The following ZNF365 variants were observed in gnomAD, a reference collection of about 807,000 sequenced individuals.
ZNF365 encodes zinc finger protein 365.
ZNF365 carries 22 observed loss-of-function variants against 35.0 expected under a neutral mutation model. The ratio of observed to expected loss-of-function variants is 0.63; its 90% CI spans 0.45 to 0.90. ZNF365 has a LOEUF of 0.90. ZNF365 is among the 40% of genes least tolerant of loss of function. The pLI is 0.00. For missense variants in ZNF365, 448 were observed against 500.3 expected, an observed-to-expected ratio of 0.90 and a Z score of 1.00; for synonymous variants, 188 against 196.2, an observed-to-expected ratio of 0.96 and a Z score of 0.35.
chr10:62,398,014 A>G (rs542368952), intron 3 of ZNF365, among the ~76,000 whole-genome samples: 1 of 152,268 alleles, frequency 6.6e-6, no homozygotes, highest in South Asian at 2.1e-4. Flanking sequence ...CATTATACCA[A>G]TATGTTGTCT....
chr10:62,381,369 G>A (rs1193492747), intron 2 of ZNF365, among the ~76,000 whole-genome samples: 1 of 152,148 alleles, frequency 6.6e-6, no homozygotes, highest in Non-Finnish European at 1.5e-5. Context: ...GCAGGGGAAT[G>A]ACTTGCCCAA....
chr10:62,388,381 A>C lies in ZNF365; in HGVS notation c.744-15A>C. ...TTATATTTCCCTTTTGTGTTCTGAC[A>C]TTTTTGCCTTGCAGAGAAGTTGTCA... On this transcript the variant is annotated splice_polypyrimidine_tract_variant and intron_variant, in intron 2 of 4. Coordinates refer to ENST00000395254, the MANE Select transcript of ZNF365 (RefSeq NM_014951.3). 1 of 1,613,962 alleles carries C rather than the reference A, an allele frequency of 6.2e-7. No individual in the cohort carries two copies. Among genetic ancestry groups the C allele is most frequent in the South Asian group, 1.1e-5 (1 of 91,066 alleles).
intron 4 of ZNF365, among the ~76,000 whole-genome samples, chr10:62,466,619 G>T (rs757941580): frequency 2.6e-5 from 4 of 152,148 alleles, no homozygotes; most frequent in Non-Finnish European, 5.9e-5. Flanking sequence ...TGACAATGGT[G>T]CATTTGGTGC....
intron 2 of ZNF365, among the ~76,000 whole-genome samples, chr10:62,385,705 C>G (rs1251272742): frequency 2.0e-5 from 3 of 152,152 alleles, no homozygotes; most frequent in Non-Finnish European, 4.4e-5. Context: ...TTAATTACAA[C>G]AAATACTTAT....
intron 3 of ZNF365, among the ~76,000 whole-genome samples, chr10:62,429,845 G>T (rs1840307414): frequency 6.6e-6 from 1 of 152,190 alleles, no homozygotes; most frequent in Non-Finnish European, 1.5e-5. Flanking sequence ...GTGGTGAAAA[G>T]TTAAAGCTCA....
rs183084859 is a variant in ZNF365, at chr10:62,426,706, G to A, written c.925-33035G>A. On this transcript the variant is annotated intron_variant, in intron 3 of 4. Coordinates refer to the ZNF365 transcript ENST00000395255. Reference sequence around the variant, plus strand: ...GGGCAGGGCAAACAGTTTAGGATTGGCGAGTTTGAATCATTTCATGGGGCT... The same window carrying A: ...GGGCAGGGCAAACAGTTTAGGATTGACGAGTTTGAATCATTTCATGGGGCT... 2.0e-5 allele frequency among the ~76,000 whole-genome samples: 3 copies of A among 152,226 alleles called. No individual in the cohort carries two copies. In the East Asian group the frequency reaches 5.8e-4, roughly 29 times the overall value.
chr10:62,432,025 G>T (rs1248968783), intron 3 of ZNF365, among the ~76,000 whole-genome samples: 1 of 152,060 alleles, frequency 6.6e-6, no homozygotes, highest in Non-Finnish European at 1.5e-5. Flanking sequence ...TCACTTTTTG[G>T]GATCCCAGCT....
chr10:62,415,441 G>C (rs955903400), intron 3 of ZNF365, among the ~76,000 whole-genome samples: 1 of 152,002 alleles, frequency 6.6e-6, no homozygotes, highest in Non-Finnish European at 1.5e-5. Context: ...TTACGATATT[G>C]TTTCTTAGGG....
downstream of ZNF365, among the ~76,000 whole-genome samples, chr10:62,404,455 C>T (rs776037584): frequency 3.3e-5 from 5 of 152,290 alleles, no homozygotes; most frequent in East Asian, 1.9e-4. Flanking sequence ...AGTTAAAAAG[C>T]GAGCTCCCTG....
chr10:62,463,274 G>A (rs1840878240), intron 4 of ZNF365, among the ~76,000 whole-genome samples: 1 of 152,162 alleles, frequency 6.6e-6, no homozygotes. Context: ...GCTAATTACT[G>A]GTCACCTCAC....
At position 62,471,073 on chromosome 10, in the gene ZNF365, A is replaced by G. The variant is rs189745950; in HGVS notation, c.982-8803A>G. Among the ~76,000 whole-genome samples, 362 of 152,184 alleles carry G rather than the reference A, an allele frequency of 2.4e-3. 4 individuals are homozygous for G. The highest frequency in any genetic ancestry group is 2.7e-3 in the Non-Finnish European group (183 of 68,008). The stretch of plus-strand genomic sequence containing the variant: ...ATTTACAGTTTGAGGTAAGGATCAA[A>G]TAGGTAATCTAGGCCGGGTGCCGTG... On this transcript the variant is annotated intron_variant, in intron 4 of 4. Coordinates refer to the ZNF365 transcript ENST00000395255.
chr10:62,426,067 A>G (rs1840246694), intron 3 of ZNF365, among the ~76,000 whole-genome samples: 1 of 152,122 alleles, frequency 6.6e-6, no homozygotes, highest in Non-Finnish European at 1.5e-5. Flanking sequence ...TAAAGCCTAT[A>G]CTAGCGGTTT....
intron 3 of ZNF365, among the ~76,000 whole-genome samples, chr10:62,454,064 T>G (rs1840725476): frequency 6.6e-6 from 1 of 152,196 alleles, no homozygotes; most frequent in Non-Finnish European, 1.5e-5. Context: ...TTTTTCCTTT[T>G]TAAACGTATA....
At chr10:62,403,828 C>T (rs192599450), downstream of ZNF365, among the ~76,000 whole-genome samples, 30 of 152,270 alleles carry the variant, frequency 2.0e-4, no homozygotes, top group South Asian at 1.2e-3. Flanking sequence ...TATTAGAAAA[C>T]ATAAATCCCA....
At chr10:62,476,907 A>G (rs1056802554) in intron 4 of ZNF365, among the ~76,000 whole-genome samples, 2 of 152,242 alleles carry the variant, frequency 1.3e-5, no homozygotes, top group Non-Finnish European at 2.9e-5. Flanking sequence ...ATTAGTGGGC[A>G]ATGTCCATCA....
chr10:62,379,968 G>A (rs533183876), intron 2 of ZNF365, among the ~76,000 whole-genome samples: 9 of 152,204 alleles, frequency 5.9e-5, no homozygotes, highest in Admixed American at 5.2e-4. Flanking sequence ...TTTGAAACAC[G>A]GATAGTAGAT....
At chr10:62,405,063 T>G (rs1379950388), downstream of ZNF365, among the ~76,000 whole-genome samples, 1 of 152,212 alleles carries the variant, frequency 6.6e-6, no homozygotes, top group African/African-American at 2.4e-5. Context: ...ATGTGCTTCT[T>G]GGAACGGAAG....
At chr10:62,441,061 A>G (rs533137279) in intron 3 of ZNF365, among the ~76,000 whole-genome samples, 2 of 152,324 alleles carry the variant, frequency 1.3e-5, no homozygotes, top group East Asian at 3.9e-4. Context: ...GATGATTATT[A>G]TGAGTATTCT....
intron 3 of ZNF365, among the ~76,000 whole-genome samples, chr10:62,448,626 T>A (rs1435900601): frequency 1.3e-5 from 2 of 152,170 alleles, no homozygotes; most frequent in Non-Finnish European, 2.9e-5. Context: ...ATGTCTCTAT[T>A]GCAGATATGG....
Sources: allele counts gnomAD v4.1 joint callset (sites outside exome capture counted in the v4.1 genomes callset), GRCh38; gene constraint gnomAD v4.1.1; transcripts MANE v1.5; gene names NCBI Gene and HGNC (gene_info 2026-07-23, HGNC 2026-07-21).